Variants in LRRC7 observed in about 807,000 individuals in gnomAD.
LRRC7 encodes the protein leucine-rich repeat-containing protein 7.
In LRRC7, 23 loss-of-function variants were observed where a neutral mutation model predicts 175.7. The ratio of observed to expected loss-of-function variants is 0.13; its 90% confidence interval spans 0.09 to 0.19. LRRC7 has a LOEUF of 0.19. LRRC7 is among the 10% of genes least tolerant of loss of function. The pLI, the probability that LRRC7 is intolerant of heterozygous loss-of-function variation, is 1.00. For missense variants in LRRC7, 1,354 were observed against 1,904.7 expected, an observed-to-expected ratio of 0.71 and a Z score of 5.38; for synonymous variants, 685 against 680.9, an observed-to-expected ratio of 1.01 and a Z score of -0.09.
intron 24 of LRRC7, among the ~76,000 whole-genome samples, chr1:70,087,508 CAA>C (rs1663703448): frequency 1.3e-5 from 2 of 152,008 alleles, no homozygotes; most frequent in Non-Finnish European, 2.9e-5. Flanking sequence ...TAAATAATAA[CAA>C]AGAGATCAAC....
chr1:69,646,892 T>C (rs954508103), intron 1 of LRRC7, among the ~76,000 whole-genome samples: 12 of 152,194 alleles, frequency 7.9e-5, no homozygotes, highest in Non-Finnish European at 8.8e-5. Flanking sequence ...GCTATTCAGA[T>C]TGAGTACCCT....
chr1:69,859,327 G>A (rs1684109770), intron 7 of LRRC7, among the ~76,000 whole-genome samples: 1 of 152,088 alleles, frequency 6.6e-6, no homozygotes, highest in African/African-American at 2.4e-5. Flanking sequence ...AAGACAGTAA[G>A]TACATGCATC....
chr1:69,977,999 GCTTCTC>G (rs2101882476), intron 8 of LRRC7, among the ~76,000 whole-genome samples: 1 of 151,268 alleles, frequency 6.6e-6, no homozygotes, highest in African/African-American at 2.4e-5. Flanking sequence ...CAGCCCGTTT[GCTTCTC>G]CTTCATAAGC....
At chr1:69,864,729 A>T (rs1684726252) in intron 7 of LRRC7, among the ~76,000 whole-genome samples, 1 of 152,196 alleles carries the variant, frequency 6.6e-6, no homozygotes, top group Non-Finnish European at 1.5e-5. Flanking sequence ...GAACTTTGTA[A>T]CTGAAGAAGA....
intron 10 of LRRC7, among the ~76,000 whole-genome samples, chr1:69,993,902 T>C (rs1047996364): frequency 5.9e-5 from 9 of 152,150 alleles, no homozygotes; most frequent in Non-Finnish European, 1.2e-4. Flanking sequence ...CTATTGCTCA[T>C]TAAAACCCTG....
chr1:69,781,978 G>GAA, intron 3 of LRRC7, among the ~76,000 whole-genome samples: 1 of 151,908 alleles, frequency 6.6e-6, no homozygotes, highest in East Asian at 1.9e-4. Flanking sequence ...AAGAAAGAAA[G>GAA]AGAAATGGCT....
At chr1:70,073,845 C>T (rs1335357485) in intron 23 of LRRC7, among the ~76,000 whole-genome samples, 1 of 152,220 alleles carries the variant, frequency 6.6e-6, no homozygotes, top group Non-Finnish European at 1.5e-5. Flanking sequence ...CCCGGCTCCT[C>T]TGACTCCTGA....
At chr1:70,007,735 A>G (rs936885753) in intron 11 of LRRC7, among the ~76,000 whole-genome samples, 5 of 152,214 alleles carry the variant, frequency 3.3e-5, no homozygotes, top group African/African-American at 9.6e-5. Flanking sequence ...TTGTGCTTTC[A>G]GTGTCATGAG....
intron 7 of LRRC7, among the ~76,000 whole-genome samples, chr1:69,928,586 T>C (rs1239134593): frequency 6.6e-6 from 1 of 152,168 alleles, no homozygotes; most frequent in African/African-American, 2.4e-5. Flanking sequence ...TCAGCGAGAC[T>C]CCGTGGGCGT....
chr1:69,587,745 T>A (rs1569728704), intron 1 of LRRC7, among the ~76,000 whole-genome samples: 1 of 152,228 alleles, frequency 6.6e-6, no homozygotes, highest in East Asian at 1.9e-4. Context: ...AGCTGATGGT[T>A]TTAAAAGTGT....
intron 1 of LRRC7, among the ~76,000 whole-genome samples, chr1:69,596,123 T>C (rs1251245470): frequency 6.6e-6 from 1 of 152,086 alleles, no homozygotes; most frequent in Non-Finnish European, 1.5e-5. Flanking sequence ...ATAAGACTTC[T>C]TGTTTTCTGT....
intron 20 of LRRC7, among the ~76,000 whole-genome samples, chr1:70,037,400 A>G (rs1659415011): frequency 6.6e-6 from 1 of 152,184 alleles, no homozygotes; most frequent in African/African-American, 2.4e-5. Context: ...TAAATTCATT[A>G]TTTGCATTAT....
chr1:69,839,208 A>G (rs1681457289), intron 7 of LRRC7, among the ~76,000 whole-genome samples: 1 of 152,100 alleles, frequency 6.6e-6, no homozygotes, highest in South Asian at 2.1e-4. Context: ...CATACCTTCA[A>G]GTGCATTTTA....
intron 1 of LRRC7, among the ~76,000 whole-genome samples, chr1:69,671,068 C>G (rs1658999594): frequency 2.0e-5 from 3 of 152,092 alleles, no homozygotes. Context: ...CTTCACTTTT[C>G]TCAAGCAAGA....
chr1:70,059,173 C>T (rs1260809455), intron 23 of LRRC7, among the ~76,000 whole-genome samples: 2 of 152,200 alleles, frequency 1.3e-5, no homozygotes, highest in African/African-American at 4.8e-5. Flanking sequence ...GCATCAGTGA[C>T]TCTTTCCACC....
chr1:69,611,354 G>A (rs971466725), intron 1 of LRRC7, among the ~76,000 whole-genome samples: 5 of 151,800 alleles, frequency 3.3e-5, no homozygotes, highest in African/African-American at 1.2e-4. Flanking sequence ...AGATAGTATA[G>A]GTCAGTACAA....
chr1:69,987,641 A>G (rs991052439), intron 10 of LRRC7, among the ~76,000 whole-genome samples: 1 of 152,206 alleles, frequency 6.6e-6, no homozygotes, highest in African/African-American at 2.4e-5. Flanking sequence ...AAGTTCCAGA[A>G]CATATAACTT....
intron 2 of LRRC7, among the ~76,000 whole-genome samples, chr1:69,746,956 T>C (rs558797648): frequency 3.2e-4 from 49 of 152,276 alleles, no homozygotes; most frequent in Non-Finnish European, 6.5e-4. Context: ...GATGTGTGGT[T>C]CTGGGACTCT....
At chr1:69,773,482 G>T (rs747102600) in intron 3 of LRRC7, among the ~76,000 whole-genome samples, 1 of 152,096 alleles carries the variant, frequency 6.6e-6, no homozygotes, top group Non-Finnish European at 1.5e-5. Flanking sequence ...AGAGAGTGGG[G>T]TACATGAAAT....
Sources: gnomAD v4.1 joint callset for allele counts (sites outside exome capture counted in the v4.1 genomes callset) on GRCh38, gnomAD v4.1.1 for gene constraint, MANE v1.5 for transcripts, NCBI Gene and HGNC (gene_info 2026-07-23, HGNC 2026-07-21) for gene names.